RHBDL3: variants seen among roughly 807,000 people sequenced by gnomAD.
RHBDL3 encodes rhomboid like 3.
A neutral mutation model predicts 48.2 loss-of-function variants in RHBDL3; 28 were observed. The ratio of observed to expected loss-of-function variants is 0.58; its 90% confidence interval spans 0.43 to 0.80. The LOEUF is 0.80. RHBDL3 is among the 30% of genes least tolerant of loss of function. RHBDL3 has a pLI of 0.00. For missense variants in RHBDL3, 464 were observed against 542.7 expected (o/e 0.85, Z 1.44); for synonymous variants, 208 against 232.3 (o/e 0.90, Z 0.95).
At position 32,275,110 on chromosome 17, in the gene RHBDL3, G is replaced by T. The variant is rs562327822; in HGVS notation, c.135+7185G>T. 6.6e-5 allele frequency among the ~76,000 whole-genome samples: 10 copies of T among 152,300 alleles called. No individual in the cohort carries two copies. The East Asian group carries it at 1.9e-3, about 29-fold the overall frequency. On this transcript the variant is annotated intron_variant, in intron 2 of 8. Coordinates refer to ENST00000269051, the MANE Select transcript of RHBDL3 (RefSeq NM_138328.3). Reference sequence around the variant, plus strand: ...TTGGTGGCTGCCAGGAGAAGCAGCGGCGGCCAGCAGTTTAGGCTGAAGGGG... The same window carrying T: ...TTGGTGGCTGCCAGGAGAAGCAGCGTCGGCCAGCAGTTTAGGCTGAAGGGG...
rs140788529 is a variant in RHBDL3 at position 32,305,552 on chromosome 17, T to C, written c.882+111T>C. On this transcript the variant is annotated intron_variant, in intron 7 of 8. Coordinates refer to ENST00000269051, the MANE Select transcript of RHBDL3 (RefSeq NM_138328.3). ...CACCAAAAACCAGGCAGACCTGACC[T>C]GGAGCAGAGTTCTCACACACTCCTC... 284 of 752,396 alleles carry C rather than the reference T, an allele frequency of 3.8e-4. 1 individual carries two copies. The East Asian group carries it at 6.9e-3, about 18-fold the overall frequency. The allele number at this position is 752,396 out of a possible 1,614,324, so 46.6% of individuals were successfully genotyped here. A position where few individuals can be genotyped will look rare whatever the true frequency, so the allele number is the denominator to read the frequency against.
chr17:32,312,358 C>T (rs1039973446), intron 7 of RHBDL3, among the ~76,000 whole-genome samples: 2 of 152,052 alleles, frequency 1.3e-5, no homozygotes, highest in Non-Finnish European at 2.9e-5. Context: ...TCACTTGAGC[C>T]CAGAAGGTCA....
chr17:32,317,023 C>T (rs1382372978), intron 8 of RHBDL3, among the ~76,000 whole-genome samples: 1 of 151,840 alleles, frequency 6.6e-6, no homozygotes, highest in African/African-American at 2.4e-5. Flanking sequence ...AGGCACGTGC[C>T]ACCACGCCCA....
chr17:32,290,937 G>T (rs1211163748), intron 4 of RHBDL3, among the ~76,000 whole-genome samples: 1 of 149,636 alleles, frequency 6.7e-6, no homozygotes, highest in Admixed American at 6.7e-5. Flanking sequence ...GGAGGTCAAG[G>T]CTGTAGTGAG....
intron 7 of RHBDL3, among the ~76,000 whole-genome samples, chr17:32,311,663 G>A (rs997247420): frequency 6.6e-6 from 1 of 152,142 alleles, no homozygotes; most frequent in Admixed American, 6.6e-5. Flanking sequence ...CCAGGCAGAT[G>A]TTGTAAACTC....
chr17:32,297,661 T>C (rs897281079), intron 5 of RHBDL3, among the ~76,000 whole-genome samples: 1 of 139,042 alleles, frequency 7.2e-6, no homozygotes, highest in East Asian at 2.1e-4. Flanking sequence ...TCTTTTTTTT[T>C]TTTTTTTTTT....
At chr17:32,290,916 G>A (rs1410576417) in intron 4 of RHBDL3, among the ~76,000 whole-genome samples, 2 of 149,428 alleles carry the variant, frequency 1.3e-5, no homozygotes, top group Admixed American at 6.7e-5. Context: ...CAAGAGGATC[G>A]CTTCAGCCCA....
chr17:32,266,212 G>T lies in RHBDL3; in HGVS notation c.23G>T (p.Gly8Val). Residue 8 changes from glycine to valine, a missense_variant, in exon 1 of 9, where the codon GGC becomes GTC. Physicochemically the swap from Gly to Val is moderately radical, Grantham distance 109. Transcript: ENST00000269051. ...GCCATGGGCGAGCACCCCAGCCCGG[G>T]CCCCGCGGTGGCCGCCTGCGCCGAG... MGEHPSP[G>V]PAVAACAEAE... 2.8e-6 allele frequency: 4 copies of T among 1,405,896 alleles called. No individual in the cohort carries two copies. Among genetic ancestry groups the T allele is most frequent in the Non-Finnish European group, 3.7e-6 (4 of 1,085,080 alleles). The allele number at this position is 1,405,896 out of a possible 1,614,324, so 87.1% of individuals were successfully genotyped here.
At chr17:32,309,564 GA>G (rs1567786641) in intron 7 of RHBDL3, among the ~76,000 whole-genome samples, 2 of 151,830 alleles carry the variant, frequency 1.3e-5, no homozygotes, top group Non-Finnish European at 2.9e-5. Flanking sequence ...AAAAAGAAAA[GA>G]AAAAGCATGG....
At chr17:32,267,693 C>T (rs1009900111) in intron 1 of RHBDL3, 2 of 458,296 alleles carry the variant, frequency 4.4e-6, no homozygotes, top group African/African-American at 2.3e-5. Flanking sequence ...CTGTGAGTTT[C>T]CTCCCTCTGC....
intron 2 of RHBDL3, among the ~76,000 whole-genome samples, chr17:32,275,593 G>T (rs1214326579): frequency 1.3e-5 from 2 of 152,122 alleles, no homozygotes; most frequent in South Asian, 4.1e-4. Flanking sequence ...GATGTTGGGA[G>T]AGCTGGATGG....
rs1314613683 is a variant in RHBDL3 at position 32,307,488 on chromosome 17, G to A, written c.882+2047G>A. ...CTGTCCCTTTTGTTCTCATCAAAAT[G>A]CCCATTGTACATTGAGCAAGAGAAG... On this transcript the variant is annotated intron_variant, in intron 7 of 8. Transcript: ENST00000269051. 2.0e-5 allele frequency among the ~76,000 whole-genome samples: 3 copies of A among 152,186 alleles called. No homozygotes were observed. The East Asian group carries it at 5.8e-4, about 29-fold the overall frequency.
intron 2 of RHBDL3, among the ~76,000 whole-genome samples, chr17:32,276,253 C>CA (rs967144609): frequency 9.4e-5 from 14 of 148,392 alleles, no homozygotes; most frequent in Admixed American, 3.3e-4. Flanking sequence ...AACAAAAAAA[C>CA]AAAAAAAATT....
intron 5 of RHBDL3, 66 bp from the exon 6 acceptor site, chr17:32,298,026 T>C (rs1326154897): frequency 1.7e-6 from 2 of 1,189,216 alleles, no homozygotes; most frequent in Non-Finnish European, 2.5e-6. Context: ...TGCAGGTGTT[T>C]GTTGAATGAA....
intron 3 of RHBDL3, among the ~76,000 whole-genome samples, chr17:32,286,733 A>G (rs1022623030): frequency 6.6e-6 from 1 of 152,134 alleles, no homozygotes; most frequent in Non-Finnish European, 1.5e-5. Flanking sequence ...CTCTCGTAGT[A>G]CAGACCGCCA....
At chr17:32,273,104 G>A (rs545269441) in intron 2 of RHBDL3, among the ~76,000 whole-genome samples, 10 of 152,304 alleles carry the variant, frequency 6.6e-5, no homozygotes, top group South Asian at 2.1e-4. Context: ...GGGTTCAGGC[G>A]ATTCTCCTAC....
intron 8 of RHBDL3, among the ~76,000 whole-genome samples, chr17:32,317,061 C>T (rs375815535): frequency 4.6e-5 from 7 of 151,674 alleles, no homozygotes; most frequent in South Asian, 2.1e-4. Context: ...TTTGTAAAGA[C>T]GGGGTTTCAC....
At chr17:32,304,103 C>T (rs112947453) in intron 6 of RHBDL3, among the ~76,000 whole-genome samples, 4,377 of 152,282 alleles carry the variant, frequency 0.029, 81 homozygotes, top group Non-Finnish European at 0.038. Flanking sequence ...TAAATTTCCC[C>T]TCTTTTCTTT....
intron 6 of RHBDL3, among the ~76,000 whole-genome samples, chr17:32,300,985 A>G (rs2040569165): frequency 2.0e-5 from 3 of 152,168 alleles, no homozygotes; most frequent in Admixed American, 1.3e-4. Context: ...CGTTCAAGCA[A>G]TTCTCTGCCT....
Sources: gnomAD v4.1 joint callset for allele counts (sites outside exome capture counted in the v4.1 genomes callset) on GRCh38, gnomAD v4.1.1 for gene constraint, MANE v1.5 for transcripts, NCBI Gene and HGNC (gene_info 2026-07-23, HGNC 2026-07-21) for gene names.